TUBGCP6: variants seen among roughly 807,000 people sequenced by gnomAD.
The protein encoded by TUBGCP6 is gamma-tubulin complex component 6.
In TUBGCP6, 161 loss-of-function variants were observed where a neutral mutation model predicts 175.8. The observed-to-expected ratio is 0.92, with a 90% CI of 0.81 to 1.04. The LOEUF is 1.04. Among genes scored for constraint, TUBGCP6 ranks in the 50% least tolerant of loss-of-function variants. TUBGCP6 has a pLI of 0.00. For missense variants in TUBGCP6, 2,572 were observed against 2,433.0 expected (o/e 1.06, Z -1.20); for synonymous variants, 1,173 against 1,030.5 (o/e 1.14, Z -2.65).
intron 4 of TUBGCP6, among the ~76,000 whole-genome samples, chr22:50,228,820 T>C (rs1003482174): frequency 6.6e-6 from 1 of 152,132 alleles, no homozygotes; most frequent in Non-Finnish European, 1.5e-5. Context: ...GAGGCTGCGC[T>C]GCCTGGCTCC....
intron 3 of TUBGCP6, among the ~76,000 whole-genome samples, chr22:50,232,642 G>C (rs2064709204): frequency 6.6e-6 from 1 of 152,228 alleles, no homozygotes; most frequent in Admixed American, 6.5e-5. Flanking sequence ...ACGGTGTTGA[G>C]AACAGGCGCC....
intron 4 of TUBGCP6, among the ~76,000 whole-genome samples, chr22:50,229,016 G>C (rs1175246403): frequency 6.6e-6 from 1 of 152,142 alleles, no homozygotes; most frequent in Non-Finnish European, 1.5e-5. Flanking sequence ...ACTTGGCTCA[G>C]AACTCCCAGC....
Position 50,221,173 on chromosome 22 carries a change from CCT to C in TUBGCP6, c.3184_3185del (p.Arg1062GlyfsTer131). 1 of 1,605,908 alleles carries C rather than the reference CCT, an allele frequency of 6.2e-7. No homozygotes were observed. On this transcript the variant is annotated frameshift_variant, in exon 16 of 25. Transcript: ENST00000248846. LOFTEE classifies it high-confidence loss of function. Reference protein sequence around the residue: ...THGHVSDASIRVGENVSDVAP... With the variant: ...THGHVSDASIXVGENVSDVAP... ...CCACATCTGACACATTCTCCCCGAC[CCT>C]GATGCTGGCGTCAGACACGTGCCCG...
In TUBGCP6 at chr22:50,244,291, G is replaced by A; in HGVS notation, c.169C>T (p.Leu57=). Residue 57 remains leucine (L), a synonymous_variant, in exon 1 of 25, where the codon CTG becomes TTG. Transcript: ENST00000248846. ...TNLFQDETQQ[L]QPDMSKLPAR... ...GGTAGTTTTGACATGTCAGGCTGCAGCTGTTGAGTCTCATCTTGAAAAAGA... is the reference window on the plus strand; with the variant it reads ...GGTAGTTTTGACATGTCAGGCTGCAACTGTTGAGTCTCATCTTGAAAAAGA... The A allele has an allele frequency of 6.2e-7, 1 of 1,613,700 alleles. No homozygotes were observed. Among genetic ancestry groups the A allele is most frequent in the Non-Finnish European group, 8.5e-7 (1 of 1,180,050 alleles).
rs757662537 is a variant in TUBGCP6 at position 50,244,211 on chromosome 22, G to A, written c.249C>T (p.Gly83=). 1.5e-5 allele frequency: 24 copies of A among 1,613,214 alleles called. No homozygotes were observed. Among genetic ancestry groups the A allele is most frequent in the Middle Eastern group, 1.6e-4 (1 of 6,084 alleles). Residue 83 remains glycine (G), a synonymous_variant, in exon 1 of 25, where the codon GGC becomes GGT. Coordinates refer to ENST00000248846, the MANE Select transcript of TUBGCP6 (RefSeq NM_020461.4). Reference sequence around the variant, plus strand: ...GCTCCTCCAAACGGTCGGCCTTGGGGCCCAGGCCACCCACTCTCAAGTCAA... The same window carrying A: ...GCTCCTCCAAACGGTCGGCCTTGGGACCCAGGCCACCCACTCTCAAGTCAA... ...LSFDLRVGGL[G]PKADRLEELV... is the part of the protein sequence containing the mutation.
intron 4 of TUBGCP6, among the ~76,000 whole-genome samples, chr22:50,228,662 C>T (rs1231491453): frequency 6.6e-6 from 1 of 152,082 alleles, no homozygotes; most frequent in Admixed American, 6.5e-5. Context: ...ATCTCTAGCT[C>T]TCAAGTCCCC....
intron 17 of TUBGCP6, 72 bp downstream of exon 17, chr22:50,219,885 A>G (rs2064486723): frequency 1.2e-6 from 2 of 1,604,412 alleles, no homozygotes; most frequent in Non-Finnish European, 1.7e-6. Context: ...TGTGGGACCC[A>G]CCCGCGTGAC....
chr22:50,226,330 G>T lies in TUBGCP6; in HGVS notation c.1650C>A (p.Gly550=). Reference sequence around the variant, plus strand: ...CGTGGTTCACCTGAATCATGAACTCGCCATAAGCGTCTCTGAACACCCCGC... The same window carrying T: ...CGTGGTTCACCTGAATCATGAACTCTCCATAAGCGTCTCTGAACACCCCGC... ...VYSGVFRDAY[G]EFMIQVNHEY... Residue 550 remains glycine (G), a synonymous_variant, in exon 8 of 25, where the codon GGC becomes GGA. Coordinates refer to ENST00000248846, the MANE Select transcript of TUBGCP6 (RefSeq NM_020461.4). The T allele has an allele frequency of 6.2e-7, 1 of 1,613,518 alleles. No individual in the cohort carries two copies. The highest frequency in any genetic ancestry group is 8.5e-7 in the Non-Finnish European group (1 of 1,179,816).
Position 50,233,454 on chromosome 22 carries a change from G to T in TUBGCP6, c.978C>A (p.Leu326=). ...CAAGCAGCTGGAGCTCCCCTTGGTG[G>T]AGCCTGCAGAACTTGTCGAAAGCGT... The part of the protein sequence containing the change: ...GRDAFDKFCR[L]HQGELQLLAG... Residue 326 remains leucine, a synonymous_variant, in exon 3 of 25, where the codon CTC becomes CTA. Coordinates refer to ENST00000248846, the MANE Select transcript of TUBGCP6 (RefSeq NM_020461.4). 6.2e-7 allele frequency: 1 copy of T among 1,613,270 alleles called. No homozygotes were observed. The highest frequency in any genetic ancestry group is 8.5e-7 in the Non-Finnish European group (1 of 1,179,650).
At chr22:50,234,016 C>T (rs2064727663) in intron 2 of TUBGCP6, among the ~76,000 whole-genome samples, 1 of 151,446 alleles carries the variant, frequency 6.6e-6, no homozygotes, top group Admixed American at 6.6e-5. Context: ...ACACCCCTGT[C>T]CACAGCAGCA....
chr22:50,229,928 T>TA (rs1388575195), intron 3 of TUBGCP6, among the ~76,000 whole-genome samples: 1 of 152,012 alleles, frequency 6.6e-6, no homozygotes, highest in Non-Finnish European at 1.5e-5. Flanking sequence ...CGGGATGAAT[T>TA]AGAGAAATGA....
At position 50,222,039 on chromosome 22, in the gene TUBGCP6, C is replaced by G; in HGVS notation, c.2473G>C (p.Val825Leu). The change falls in exon 15 of 25, where the codon GTG becomes CTG. Residue 825 changes from valine to leucine, a missense_variant. Physicochemically the swap from Val to Leu is conservative, Grantham distance 32 (BLOSUM62 1). Transcript: ENST00000248846. ...PQEPPDVLLS[V>L]HPQVTSPGPE... ...ACTCTGCCGCTTACCTGGGGGTGCA[C>G]GCTCAAGAGGACGTCTGGCGGCTCC... 6.2e-7 allele frequency: 1 copy of G among 1,613,860 alleles called. No individual in the cohort carries two copies. Among genetic ancestry groups the G allele is most frequent in the African/African-American group, 1.3e-5 (1 of 75,056 alleles).
intron 19 of TUBGCP6, 39 bp from the exon 20 acceptor site, chr22:50,219,248 G>C (rs754690240): frequency 1.2e-6 from 2 of 1,610,558 alleles, no homozygotes; most frequent in South Asian, 2.2e-5. Flanking sequence ...GGCCAGGACG[G>C]GCTGGGTGGG....
chr22:50,237,126 C>T (rs914704724), intron 2 of TUBGCP6, among the ~76,000 whole-genome samples: 1 of 152,228 alleles, frequency 6.6e-6, no homozygotes, highest in African/African-American at 2.4e-5. Context: ...TGAAAGGCCT[C>T]CCTCCGCCTT....
rs2064518106 is a variant in TUBGCP6, at chr22:50,221,264, C to T, written c.3095G>A (p.Gly1032Asp). The change falls in exon 16 of 25, where the codon GGT (glycine) becomes GAT (aspartate). Residue 1032 changes from glycine to aspartate, a missense_variant. Transcript: ENST00000248846. Reference protein sequence around the residue: ...TERLFGQVSGGGLPTGDYASE... With the variant: ...TERLFGQVSGDGLPTGDYASE... ...AGCGTAGTCCCCTGTGGGAAGACCACCCCCTGACACCTGCCCAAAGAGCCG... is the reference window on the plus strand; with the variant it reads ...AGCGTAGTCCCCTGTGGGAAGACCATCCCCTGACACCTGCCCAAAGAGCCG... The T allele has an allele frequency of 1.2e-6, 2 of 1,614,070 alleles. No individual in the cohort carries two copies. The highest frequency in any genetic ancestry group is 1.7e-6 in the Non-Finnish European group (2 of 1,180,048).
At chr22:50,235,803 G>A (rs5771256) in intron 2 of TUBGCP6, among the ~76,000 whole-genome samples, 108,048 of 151,936 alleles carry the variant, frequency 0.71, 38,580 homozygotes, top group South Asian at 0.85. Context: ...AGCTGGGCGT[G>A]GTGGCGGGCA....
intron 7 of TUBGCP6, 87 bp from the exon 8 acceptor site, chr22:50,226,465 G>T: frequency 2.3e-6 from 3 of 1,306,726 alleles, no homozygotes; most frequent in Non-Finnish European, 3.2e-6. Flanking sequence ...ACAGGGGCGT[G>T]GCTGTCAGTG....
At chr22:50,234,319 A>C (rs2064734576) in intron 2 of TUBGCP6, among the ~76,000 whole-genome samples, 1 of 5,696 alleles carries the variant, frequency 1.8e-4, no homozygotes, top group African/African-American at 9.4e-4. Context: ...AGCATCATCC[A>C]CACCCCTGTC....
At chr22:50,239,561 G>A (rs2064815375) in intron 2 of TUBGCP6, among the ~76,000 whole-genome samples, 1 of 152,204 alleles carries the variant, frequency 6.6e-6, no homozygotes. Flanking sequence ...GAGTGCAGAG[G>A]CCTCTGGACC....
Sources: gnomAD v4.1 joint callset for allele counts (sites outside exome capture counted in the v4.1 genomes callset) on GRCh38, gnomAD v4.1.1 for gene constraint, MANE v1.5 for transcripts, NCBI Gene and HGNC (gene_info 2026-07-23, HGNC 2026-07-21) for gene names.